Variants in CNTNAP2 observed in about 807,000 individuals in gnomAD.
CNTNAP2 encodes contactin associated protein 2, also known as contactin-associated protein-like 2.
A neutral mutation model predicts 155.2 loss-of-function variants in CNTNAP2; 98 were observed. The ratio of observed to expected loss-of-function variants is 0.63; its 90% CI spans 0.54 to 0.75. The LOEUF (loss-of-function observed/expected upper bound fraction) is 0.75, where lower values mean the gene tolerates loss of function less well. Among genes scored for constraint, CNTNAP2 ranks in the 30% least tolerant of loss-of-function variants. The pLI, the probability that CNTNAP2 is intolerant of heterozygous loss-of-function variation, is 0.00. For missense variants in CNTNAP2, 1,727 were observed against 1,688.1 expected (o/e 1.02, Z -0.40); for synonymous variants, 651 against 631.2 (o/e 1.03, Z -0.47).
At chr7:146,721,472 C>CTA (rs1343838611) in intron 1 of CNTNAP2, among the ~76,000 whole-genome samples, 11 of 126,212 alleles carry the variant, frequency 8.7e-5, no homozygotes, top group Non-Finnish European at 1.6e-4. Context: ...TATATACATT[C>CTA]TATATATATT....
At chr7:146,617,232 AC>A (rs1799241444) in intron 1 of CNTNAP2, among the ~76,000 whole-genome samples, 1 of 152,224 alleles carries the variant, frequency 6.6e-6, no homozygotes, top group Admixed American at 6.5e-5. Flanking sequence ...GCTCTGGAGG[AC>A]CAAAGTTTCT....
intron 10 of CNTNAP2, among the ~76,000 whole-genome samples, chr7:147,468,823 TTTC>T (rs200312150): frequency 6.8e-6 from 1 of 146,822 alleles, no homozygotes; most frequent in Non-Finnish European, 1.5e-5. Context: ...TATTTTCTTT[TTTC>T]TTCTTCTTCT....
intron 10 of CNTNAP2, among the ~76,000 whole-genome samples, chr7:147,456,681 A>G (rs1009552151): frequency 6.6e-6 from 1 of 152,132 alleles, no homozygotes; most frequent in Non-Finnish European, 1.5e-5. Context: ...TAATCACAGA[A>G]AAAAATACAA....
chr7:148,198,190 A>AC (rs1226472272), intron 18 of CNTNAP2, among the ~76,000 whole-genome samples: 1 of 151,802 alleles, frequency 6.6e-6, no homozygotes, highest in Non-Finnish European at 1.5e-5. Context: ...CAGAGCCACC[A>AC]CCCCCCATGG....
chr7:147,933,778 G>A (rs925480477), intron 14 of CNTNAP2, among the ~76,000 whole-genome samples: 8 of 152,092 alleles, frequency 5.3e-5, no homozygotes, highest in East Asian at 1.9e-4. Context: ...TGGGAGAATC[G>A]ATTGAATCCA....
At chr7:146,578,737 G>T (rs887964860) in intron 1 of CNTNAP2, among the ~76,000 whole-genome samples, 1 of 152,104 alleles carries the variant, frequency 6.6e-6, no homozygotes, top group African/African-American at 2.4e-5. Context: ...TAACCTGTAA[G>T]TTCTAAGCTC....
chr7:146,796,932 C>A (rs868302599), intron 2 of CNTNAP2, among the ~76,000 whole-genome samples: 2 of 152,084 alleles, frequency 1.3e-5, no homozygotes, highest in African/African-American at 4.8e-5. Flanking sequence ...GTCAGGAGAT[C>A]GAGACCATTC....
At chr7:148,197,491 G>A (rs1238770809) in intron 18 of CNTNAP2, among the ~76,000 whole-genome samples, 7 of 152,046 alleles carry the variant, frequency 4.6e-5, no homozygotes, top group African/African-American at 9.7e-5. Context: ...TCCCGGAAAC[G>A]AAAGCTCAAG....
intron 13 of CNTNAP2, among the ~76,000 whole-genome samples, chr7:147,888,001 AG>A (rs1799628647): frequency 1.3e-5 from 2 of 152,240 alleles, no homozygotes; most frequent in Admixed American, 1.3e-4. Context: ...ATCTGAGAAA[AG>A]CAAATGCAGA....
intron 20 of CNTNAP2, among the ~76,000 whole-genome samples, chr7:148,251,367 C>T (rs1204145569): frequency 6.6e-6 from 1 of 152,206 alleles, no homozygotes; most frequent in Non-Finnish European, 1.5e-5. Flanking sequence ...AAATGCAAAG[C>T]TTCTTTGTCC....
Position 147,943,758 on chromosome 7 carries a change from C to T in CNTNAP2, c.2256-34104C>T, listed in dbSNP as rs563816208. Among the ~76,000 whole-genome samples the T allele has an allele frequency of 3.3e-4, 29 of 89,226 alleles. No homozygotes were observed. In the East Asian group the frequency reaches 0.011, roughly 34 times the overall value. 58.5% of individuals were successfully genotyped at this position (89,226 alleles called of 152,430 possible). The stretch of plus-strand genomic sequence containing the variant: ...CTCCAGCCTGAGCAACAAAGTGAGA[C>T]CCCGTCTCAAAAAAAAAAAAAAAAA... On this transcript the variant is annotated intron_variant, in intron 14 of 23. Coordinates refer to ENST00000361727, the MANE Select transcript of CNTNAP2 (RefSeq NM_014141.6).
At chr7:148,163,543 A>G (rs1805591771) in intron 17 of CNTNAP2, among the ~76,000 whole-genome samples, 1 of 152,156 alleles carries the variant, frequency 6.6e-6, no homozygotes, top group Non-Finnish European at 1.5e-5. Context: ...GCTTTCTTCT[A>G]GTTTAATAGT....
At chr7:147,250,148 T>G (rs1049154742) in intron 8 of CNTNAP2, among the ~76,000 whole-genome samples, 1 of 152,126 alleles carries the variant, frequency 6.6e-6, no homozygotes, top group Non-Finnish European at 1.5e-5. Context: ...CCCCATGTGA[T>G]GTTAACATCA....
intron 12 of CNTNAP2, among the ~76,000 whole-genome samples, chr7:147,629,406 AAATAATAAT>A (rs56977512): frequency 0.033 from 4,592 of 140,884 alleles, 93 homozygotes; most frequent in Middle Eastern, 0.077. Flanking sequence ...TCTGTCTCAA[AAATAATAAT>A]AATAATAATA....
chr7:146,583,224 A>G (rs2129148138), intron 1 of CNTNAP2, among the ~76,000 whole-genome samples: 1 of 152,262 alleles, frequency 6.6e-6, no homozygotes, highest in African/African-American at 2.4e-5. Flanking sequence ...TGAGAAAGTG[A>G]CCAAAAATAT....
intron 8 of CNTNAP2, among the ~76,000 whole-genome samples, chr7:147,191,208 TG>T (rs1385387232): frequency 2.0e-5 from 3 of 152,132 alleles, no homozygotes; most frequent in Non-Finnish European, 2.9e-5. Context: ...GAAGGTTAAG[TG>T]TCTAGCCCAA....
At chr7:147,273,709 A>T (rs936927764) in intron 8 of CNTNAP2, among the ~76,000 whole-genome samples, 1 of 148,936 alleles carries the variant, frequency 6.7e-6, no homozygotes, top group Non-Finnish European at 1.5e-5. Flanking sequence ...ATGGCTACAT[A>T]GTATTTCATC....
chr7:148,123,904 C>T (rs1804658820), intron 16 of CNTNAP2, among the ~76,000 whole-genome samples: 1 of 152,046 alleles, frequency 6.6e-6, no homozygotes, highest in Non-Finnish European at 1.5e-5. Flanking sequence ...AAAACAAGGA[C>T]ATAAAGTGAC....
chr7:147,901,521 C>A (rs1799866962), intron 13 of CNTNAP2, among the ~76,000 whole-genome samples: 1 of 152,220 alleles, frequency 6.6e-6, no homozygotes, highest in South Asian at 2.1e-4. Context: ...ATCTCTTCAG[C>A]CCAATTCTAC....
Sources: allele counts gnomAD v4.1 joint callset (sites outside exome capture counted in the v4.1 genomes callset), GRCh38; gene constraint gnomAD v4.1.1; transcripts MANE v1.5; gene names NCBI Gene and HGNC (gene_info 2026-07-23, HGNC 2026-07-21).